Variants in RFX3 observed in about 807,000 individuals in gnomAD.
RFX3 encodes transcription factor RFX3.
A neutral mutation model predicts 98.6 loss-of-function variants in RFX3; 14 were observed. The observed-to-expected ratio is 0.14, with a 90% CI of 0.09 to 0.22. RFX3 has a LOEUF of 0.22. RFX3 is among the 10% of genes least tolerant of loss of function. The pLI, the probability that RFX3 is intolerant of heterozygous loss-of-function variation, is 1.00. For missense variants in RFX3, 639 were observed against 926.9 expected, an observed-to-expected ratio of 0.69 and a Z score of 4.03; for synonymous variants, 383 against 328.4, an observed-to-expected ratio of 1.17 and a Z score of -1.80.
chr9:3,299,161 A>T (rs1457784566), intron 5 of RFX3, among the ~76,000 whole-genome samples: 4 of 151,708 alleles, frequency 2.6e-5, no homozygotes, highest in South Asian at 2.1e-4. Context: ...CAATTTTTTT[A>T]AAAAACTCCA....
chr9:3,521,533 A>G (rs1818710320), intron 1 of RFX3, among the ~76,000 whole-genome samples: 2 of 152,196 alleles, frequency 1.3e-5, no homozygotes, highest in African/African-American at 2.4e-5. Flanking sequence ...CTGTTATAAG[A>G]AATATAAAAT....
intron 2 of RFX3, among the ~76,000 whole-genome samples, chr9:3,349,248 A>T (rs575538064): frequency 2.9e-4 from 44 of 152,038 alleles, no homozygotes; most frequent in African/African-American, 9.6e-4. Context: ...ATGAAATTTT[A>T]TGGTTTCAAA....
intron 2 of RFX3, among the ~76,000 whole-genome samples, chr9:3,357,056 A>T (rs1835861037): frequency 6.6e-6 from 1 of 151,808 alleles, no homozygotes; most frequent in South Asian, 2.1e-4. Flanking sequence ...AGAAAAAAAT[A>T]CAAATATTAT....
At chr9:3,300,595 T>C (rs1441570548) in intron 5 of RFX3, among the ~76,000 whole-genome samples, 1 of 151,816 alleles carries the variant, frequency 6.6e-6, no homozygotes, top group Non-Finnish European at 1.5e-5. Context: ...TTTTCAGTTA[T>C]AAAATATGAA....
Position 3,282,084 on chromosome 9 carries a change from G to T in RFX3, c.852-4623C>A, listed in dbSNP as rs777037825. Among the ~76,000 whole-genome samples the T allele has an allele frequency of 2.0e-4, 31 of 151,710 alleles. 1 individual carries two copies. Among genetic ancestry groups the T allele is most frequent in the Non-Finnish European group, 8.9e-5 (6 of 67,782 alleles). On this transcript the variant is annotated intron_variant, in intron 7 of 16. Coordinates refer to ENST00000617270, the MANE Select transcript of RFX3 (RefSeq NM_001282116.2). ...TTGCATGAATAAATTGAAATACTGAGCTCAGAACAAGGGCAGGAGGCTAGA... is the reference window on the plus strand; with the variant it reads ...TTGCATGAATAAATTGAAATACTGATCTCAGAACAAGGGCAGGAGGCTAGA...
chr9:3,432,277 C>T (rs1440115518), intron 1 of RFX3, among the ~76,000 whole-genome samples: 1 of 152,102 alleles, frequency 6.6e-6, no homozygotes, highest in African/African-American at 2.4e-5. Context: ...GATCTACTTG[C>T]CCCCAAACAC....
intron 1 of RFX3, among the ~76,000 whole-genome samples, chr9:3,513,965 G>A (rs80068649): frequency 0.034 from 5,142 of 152,158 alleles, 197 homozygotes; most frequent in African/African-American, 0.09. Context: ...TAAAAATAAG[G>A]AGATCAAATG....
At chr9:3,265,219 A>C (rs532018211) in intron 12 of RFX3, among the ~76,000 whole-genome samples, 1 of 152,148 alleles carries the variant, frequency 6.6e-6, no homozygotes, top group Non-Finnish European at 1.5e-5. Context: ...TTTTCATTTC[A>C]CTTAATTTAA....
At chr9:3,519,094 G>C (rs1448828763) in intron 1 of RFX3, among the ~76,000 whole-genome samples, 4 of 152,134 alleles carry the variant, frequency 2.6e-5, no homozygotes, top group South Asian at 2.1e-4. Context: ...AAAAATATAA[G>C]TGGGACAATG....
chr9:3,277,216 A>G (rs771648474), intron 8 of RFX3, 124 bp downstream of exon 8: 26 of 882,052 alleles, frequency 2.9e-5, no homozygotes, highest in South Asian at 4.9e-5. Context: ...TATGATGTGC[A>G]TAATTTTGGC....
intron 1 of RFX3, among the ~76,000 whole-genome samples, chr9:3,507,323 G>C (rs1020647064): frequency 6.6e-6 from 1 of 151,844 alleles, no homozygotes; most frequent in African/African-American, 2.4e-5. Flanking sequence ...TTAGAGAAAA[G>C]AAATGACAAG....
chr9:3,350,994 C>A (rs1835042229), intron 2 of RFX3, among the ~76,000 whole-genome samples: 1 of 151,956 alleles, frequency 6.6e-6, no homozygotes, highest in African/African-American at 2.4e-5. Flanking sequence ...TGAAACTACT[C>A]TGCATGATAC....
intron 1 of RFX3, among the ~76,000 whole-genome samples, chr9:3,439,098 C>A (rs865979086): frequency 1.6e-4 from 24 of 150,986 alleles, no homozygotes; most frequent in African/African-American, 5.6e-4. Context: ...GAAACAAAAA[C>A]GGGGATTAGA....
At chr9:3,323,516 T>C (rs2991304) in intron 4 of RFX3, among the ~76,000 whole-genome samples, 41,271 of 151,854 alleles carry the variant, frequency 0.27, 7,532 homozygotes, top group African/African-American at 0.53. Context: ...GACTTGTAAA[T>C]CTAAGGAAGG....
chr9:3,283,513 G>T (rs146404160), intron 7 of RFX3, among the ~76,000 whole-genome samples: 30 of 151,740 alleles, frequency 2.0e-4, no homozygotes, highest in African/African-American at 6.5e-4. Context: ...TATAGGGTTC[G>T]TTTAACTAGT....
At chr9:3,226,285 T>G (rs1479777059) in intron 16 of RFX3, among the ~76,000 whole-genome samples, 1 of 152,220 alleles carries the variant, frequency 6.6e-6, no homozygotes, top group African/African-American at 2.4e-5. Flanking sequence ...CAGTAAGATT[T>G]TAACTTTACC....
At chr9:3,491,059 G>C (rs779645668) in intron 1 of RFX3, among the ~76,000 whole-genome samples, 4 of 151,918 alleles carry the variant, frequency 2.6e-5, no homozygotes, top group Non-Finnish European at 5.9e-5. Flanking sequence ...GGCATGATTT[G>C]GCTTTACCTT....
At chr9:3,426,201 A>G (rs1326858873) in intron 1 of RFX3, among the ~76,000 whole-genome samples, 1 of 152,070 alleles carries the variant, frequency 6.6e-6, no homozygotes, top group East Asian at 1.9e-4. Context: ...AATTCCATCT[A>G]TGTTTATAAA....
At chr9:3,488,495 C>G (rs991562029) in intron 1 of RFX3, among the ~76,000 whole-genome samples, 1 of 152,130 alleles carries the variant, frequency 6.6e-6, no homozygotes, top group African/African-American at 2.4e-5. Flanking sequence ...TTGTTTGACA[C>G]AGACAACTCA....
Sources: allele counts gnomAD v4.1 joint callset (sites outside exome capture counted in the v4.1 genomes callset), GRCh38; gene constraint gnomAD v4.1.1; transcripts MANE v1.5; gene names NCBI Gene and HGNC (gene_info 2026-07-23, HGNC 2026-07-21).